The following LDAH variants were observed in gnomAD, a reference collection of about 807,000 sequenced individuals.
The protein encoded by LDAH is lipid droplet associated hydrolase, also known as lipid droplet-associated hydrolase.
Under a neutral mutation model 29.6 loss-of-function variants are expected in LDAH, and 26 were observed. The ratio of observed to expected loss-of-function variants is 0.88; its 90% CI spans 0.64 to 1.22. The LOEUF is 1.22. Among genes scored for constraint, LDAH ranks in the 50% most tolerant of loss-of-function variants. The pLI is 0.00. For synonymous variants in LDAH, 117 were observed against 133.0 expected (o/e 0.88, Z 0.83); for missense variants, 344 against 387.3 (o/e 0.89, Z 0.94).
At chr2:20,816,904 C>A (rs1300484612) in intron 1 of LDAH, among the ~76,000 whole-genome samples, 1 of 151,854 alleles carries the variant, frequency 6.6e-6, no homozygotes, top group East Asian at 1.9e-4. Context: ...AAATCAACAA[C>A]AGAAAAACAA....
At chr2:20,754,477 C>G (rs1572553256) in intron 4 of LDAH, among the ~76,000 whole-genome samples, 1 of 107,676 alleles carries the variant, frequency 9.3e-6, no homozygotes, top group Non-Finnish European at 1.7e-5. Context: ...GGTGACAGAG[C>G]AAGACTCCAA....
rs1332575427 is a variant in LDAH, at chr2:20,685,695, T to C, written c.*1208A>G. Reference sequence around the variant, plus strand: ...GGAATATTTCTGATCCATGATCAACTGTCACTGCAGTATGTGGTTCTCAAG... The same window carrying C: ...GGAATATTTCTGATCCATGATCAACCGTCACTGCAGTATGTGGTTCTCAAG... On this transcript the variant is annotated 3_prime_UTR_variant, in exon 7 of 7. Coordinates refer to ENST00000237822, the MANE Select transcript of LDAH (RefSeq NM_021925.4). 6.5e-7 allele frequency: 1 copy of C among 1,541,172 alleles called. No homozygotes were observed. Among genetic ancestry groups the C allele is most frequent in the South Asian group, 1.2e-5 (1 of 83,006 alleles).
chr2:20,773,184 T>C (rs1166959735), intron 4 of LDAH, among the ~76,000 whole-genome samples: 2 of 152,168 alleles, frequency 1.3e-5, no homozygotes, highest in African/African-American at 4.8e-5. Flanking sequence ...ATACCATTCT[T>C]GATGCTTTAT....
At chr2:20,776,229 G>GT (rs578158818) in intron 3 of LDAH, among the ~76,000 whole-genome samples, 17 of 151,670 alleles carry the variant, frequency 1.1e-4, no homozygotes, top group African/African-American at 1.7e-4. Flanking sequence ...TTTGTATATG[G>GT]TTTTTTTTGT....
chr2:20,742,477 T>C (rs1343103335), intron 4 of LDAH, among the ~76,000 whole-genome samples: 1 of 152,230 alleles, frequency 6.6e-6, no homozygotes, highest in Non-Finnish European at 1.5e-5. Flanking sequence ...GTTTGATGCT[T>C]TGCTGCTAGG....
chr2:20,798,956 G>A (rs1370010629), intron 2 of LDAH, among the ~76,000 whole-genome samples: 1 of 152,110 alleles, frequency 6.6e-6, no homozygotes, highest in Non-Finnish European at 1.5e-5. Context: ...GCCAGGCATG[G>A]TGGCTCATGC....
intron 2 of LDAH, among the ~76,000 whole-genome samples, chr2:20,798,193 A>G (rs1671435126): frequency 6.6e-6 from 1 of 152,218 alleles, no homozygotes; most frequent in South Asian, 2.1e-4. Flanking sequence ...TAAGGAAGCT[A>G]CTAGAAGATA....
At chr2:20,737,202 A>C (rs1666850519) in intron 5 of LDAH, among the ~76,000 whole-genome samples, 1 of 152,152 alleles carries the variant, frequency 6.6e-6, no homozygotes, top group South Asian at 2.1e-4. Context: ...CTTGGGTCCC[A>C]AAGTCCCTAC....
At chr2:20,736,624 T>C (rs1666808936) in intron 5 of LDAH, among the ~76,000 whole-genome samples, 1 of 152,058 alleles carries the variant, frequency 6.6e-6, no homozygotes, top group Non-Finnish European at 1.5e-5. Context: ...AATGGAGAAG[T>C]TCCCTTTTTA....
intron 4 of LDAH, among the ~76,000 whole-genome samples, chr2:20,762,998 C>A (rs192802121): frequency 2.0e-5 from 3 of 152,334 alleles, no homozygotes; most frequent in East Asian, 3.9e-4. Context: ...TCAACTTCCA[C>A]TGACACATCT....
chr2:20,697,299 T>C (rs1002476552), intron 6 of LDAH, among the ~76,000 whole-genome samples: 3 of 152,248 alleles, frequency 2.0e-5, no homozygotes, highest in African/African-American at 7.2e-5. Context: ...TAGTACTCAG[T>C]ACCTTTGATT....
chr2:20,732,520 T>C (rs149658510), intron 5 of LDAH, among the ~76,000 whole-genome samples: 143 of 152,316 alleles, frequency 9.4e-4, no homozygotes, highest in Non-Finnish European at 1.8e-3. Flanking sequence ...CCTCTAAATG[T>C]CTTTTTTTGG....
At chr2:20,712,135 C>G (rs1249162467) in intron 5 of LDAH, among the ~76,000 whole-genome samples, 1 of 151,482 alleles carries the variant, frequency 6.6e-6, no homozygotes, top group South Asian at 2.1e-4. Flanking sequence ...TAGAGGCCAG[C>G]AGACACCTCA....
intron 4 of LDAH, among the ~76,000 whole-genome samples, chr2:20,763,412 C>G (rs899318223): frequency 2.0e-5 from 3 of 152,204 alleles, no homozygotes; most frequent in African/African-American, 7.2e-5. Context: ...GAATCACCTG[C>G]AGTGCTAGTT....
chr2:20,738,758 GA>G (rs75823695), intron 5 of LDAH, among the ~76,000 whole-genome samples: 102 of 152,084 alleles, frequency 6.7e-4, no homozygotes, highest in African/African-American at 2.2e-3. Context: ...ATGGAAGGGG[GA>G]AAAAATCTAT....
chr2:20,781,255 T>C (rs1374004065), intron 3 of LDAH, among the ~76,000 whole-genome samples: 1 of 152,212 alleles, frequency 6.6e-6, no homozygotes, highest in Non-Finnish European at 1.5e-5. Context: ...TCCCCTCGAA[T>C]CATCCCCTTC....
intron 5 of LDAH, 22 bp downstream of exon 5, chr2:20,739,949 A>T (rs1292643663): frequency 6.4e-7 from 1 of 1,551,732 alleles, no homozygotes; most frequent in East Asian, 2.2e-5. Context: ...ATAAACATAC[A>T]CATTTTAAAA....
intron 1 of LDAH, 99 bp from the exon 2 acceptor site, chr2:20,801,564 C>T (rs1464376702): frequency 5.3e-6 from 5 of 944,742 alleles, no homozygotes; most frequent in Non-Finnish European, 8.1e-6. Flanking sequence ...TTTCAATATA[C>T]CTAGAAGGAA....
chr2:20,698,750 C>T lies in LDAH; in HGVS notation c.786+2820G>A, dbSNP rs539443360. Among the ~76,000 whole-genome samples the T allele has an allele frequency of 2.0e-4, 31 of 152,256 alleles. No individual in the cohort carries two copies. Among genetic ancestry groups the T allele is most frequent in the African/African-American group, 7.5e-4 (31 of 41,526 alleles). On this transcript the variant is annotated intron_variant, in intron 6 of 6. Coordinates refer to ENST00000237822, the MANE Select transcript of LDAH (RefSeq NM_021925.4). This position sits in a 1 kb window ranked among gnomAD's most constrained non-coding sequence, Gnocchi z 4.4. ...CCATGGTATACTCCTTTGGAAACAA[C>T]CATGAGTCTGTTATATTTGCTCCAG...
Sources: gnomAD v4.1 joint callset for allele counts (sites outside exome capture counted in the v4.1 genomes callset) on GRCh38, gnomAD v4.1.1 for gene constraint, Gnocchi (gnomAD v3.1) non-coding constraint, MANE v1.5 for transcripts, NCBI Gene and HGNC (gene_info 2026-07-23, HGNC 2026-07-21) for gene names.